The following FOXN3 variants were observed in gnomAD, a reference collection of about 807,000 sequenced individuals.
FOXN3 encodes forkhead box N3, also known as forkhead box protein N3.
Under a neutral mutation model 38.4 loss-of-function variants are expected in FOXN3, and 7 were observed. That is an observed-to-expected ratio of 0.18 (90% CI 0.10 to 0.34). FOXN3 has a LOEUF of 0.34. Among genes scored for constraint, FOXN3 ranks in the 10% least tolerant of loss-of-function variants. FOXN3 has a pLI of 1.00. For synonymous variants in FOXN3, 230 were observed against 242.2 expected (o/e 0.95, Z 0.47); for missense variants, 456 against 613.4 (o/e 0.74, Z 2.71).
At chr14:89,283,711 T>G (rs2139921876) in intron 3 of FOXN3, among the ~76,000 whole-genome samples, 1 of 152,240 alleles carries the variant, frequency 6.6e-6, no homozygotes, top group East Asian at 1.9e-4. Flanking sequence ...GGGGGCCCCT[T>G]GTTAACCCTG....
intron 1 of FOXN3, among the ~76,000 whole-genome samples, chr14:89,540,333 A>T (rs1219195856): frequency 6.6e-6 from 1 of 152,236 alleles, no homozygotes; most frequent in Non-Finnish European, 1.5e-5. Flanking sequence ...TCTAAAAGGC[A>T]TGCTTAACAT....
chr14:89,305,460 C>G (rs1342771749), intron 3 of FOXN3, among the ~76,000 whole-genome samples: 2 of 152,190 alleles, frequency 1.3e-5, no homozygotes, highest in Non-Finnish European at 2.9e-5. Flanking sequence ...TTGAGCAGCA[C>G]ACTGAGGTTA....
chr14:89,411,874 G>T, intron 2 of FOXN3, 60 bp downstream of exon 2: 4 of 1,156,270 alleles, frequency 3.5e-6, no homozygotes, highest in Non-Finnish European at 4.6e-6. Flanking sequence ...TTTTAATAGA[G>T]AAAAATTTTA....
rs145617983 is a variant in FOXN3 at position 89,330,864 on chromosome 14, A to G, written c.680+19808T>C. On this transcript the variant is annotated intron_variant, in intron 3 of 5. Transcript: ENST00000557258. ...GCCACAGTCGGTTCCATGGATTCCT[A>G]AGGCCAGGGAGCCTGTCCTGTTTGC... Among the ~76,000 whole-genome samples, 825 of 152,304 alleles carry G rather than the reference A, an allele frequency of 5.4e-3. 3 individuals carry two copies. Among genetic ancestry groups the G allele is most frequent in the African/African-American group, 0.019 (780 of 41,554 alleles).
At chr14:89,332,173 G>A (rs1291085031) in intron 3 of FOXN3, among the ~76,000 whole-genome samples, 1 of 152,176 alleles carries the variant, frequency 6.6e-6, no homozygotes, top group Non-Finnish European at 1.5e-5. Flanking sequence ...CTATGATTAA[G>A]ACACTAATTC....
Position 89,424,471 on chromosome 14 carries a change from A to G in FOXN3, c.-14-11981T>C, listed in dbSNP as rs148038597. Among the ~76,000 whole-genome samples the G allele has an allele frequency of 4.2e-3, 640 of 152,248 alleles. 3 individuals are homozygous for G. The highest frequency in any genetic ancestry group is 0.013 in the African/African-American group (559 of 41,544). ...CATTATATCCTGTGTTATGAGGTCT[A>G]TTGTCTGGCCGTGGGAAGTCTTTTG... On this transcript the variant is annotated intron_variant, in intron 1 of 6. Transcript: ENST00000345097.
chr14:89,363,982 A>AT (rs1890039019), intron 2 of FOXN3, among the ~76,000 whole-genome samples: 9 of 92,484 alleles, frequency 9.7e-5, no homozygotes, highest in African/African-American at 4.1e-4. Context: ...ATATATATAT[A>AT]TATATAATAT....
chr14:89,368,918 T>G (rs1361279364), intron 2 of FOXN3, among the ~76,000 whole-genome samples: 1 of 152,094 alleles, frequency 6.6e-6, no homozygotes, highest in African/African-American at 2.4e-5. Context: ...GGTTAAGAGT[T>G]ACTTGATTAG....
rs1236256972 is a variant in FOXN3, at chr14:89,290,481, T to C, written c.681-9467A>G. ...ACTGTCAAAGACCAGACCAAACTTCTTACAGTTTTCCACTGGAATGGAGTT... is the reference window on the plus strand; with the variant it reads ...ACTGTCAAAGACCAGACCAAACTTCCTACAGTTTTCCACTGGAATGGAGTT... On this transcript the variant is annotated intron_variant, in intron 3 of 5. Transcript: ENST00000557258. 3 of 458,434 alleles carry C rather than the reference T, an allele frequency of 6.5e-6. No homozygotes were observed. The Admixed American group carries it at 8.1e-5, about 12-fold the overall frequency. 28.4% of individuals were successfully genotyped at this position (458,434 alleles called of 1,614,324 possible).
At chr14:89,303,808 G>C (rs907059790) in intron 3 of FOXN3, among the ~76,000 whole-genome samples, 2 of 152,216 alleles carry the variant, frequency 1.3e-5, no homozygotes, top group African/African-American at 4.8e-5. Context: ...AACAGACATT[G>C]AGGACAGTCC....
chr14:89,221,467 G>C (rs902750215), intron 4 of FOXN3, among the ~76,000 whole-genome samples: 1 of 152,036 alleles, frequency 6.6e-6, no homozygotes, highest in Non-Finnish European at 1.5e-5. Flanking sequence ...CTTTACCTTT[G>C]GTTACAGTCA....
At position 89,370,182 on chromosome 14, in the gene FOXN3, T is replaced by A. The variant is rs1294900149; in HGVS notation, c.544-19374A>T. 2.0e-5 allele frequency among the ~76,000 whole-genome samples: 3 copies of A among 152,344 alleles called. No individual in the cohort carries two copies. The South Asian group carries it at 6.2e-4, about 32-fold the overall frequency. Reference sequence around the variant, plus strand: ...TGTGCTGCTGGCATGTGACCACATATGCAGAAAAAAAATCATCTGTTTGTA... The same window carrying A: ...TGTGCTGCTGGCATGTGACCACATAAGCAGAAAAAAAATCATCTGTTTGTA... On this transcript the variant is annotated intron_variant, in intron 2 of 5. Coordinates refer to ENST00000557258, the MANE Select transcript of FOXN3 (RefSeq NM_005197.4).
intron 1 of FOXN3, among the ~76,000 whole-genome samples, chr14:89,436,681 C>A (rs974879075): frequency 6.6e-6 from 1 of 152,184 alleles, no homozygotes; most frequent in Non-Finnish European, 1.5e-5. Context: ...CCAACAGATA[C>A]CCATGGAGAG....
chr14:89,465,226 T>C (rs926198438), intron 1 of FOXN3, among the ~76,000 whole-genome samples: 10 of 118,432 alleles, frequency 8.4e-5, no homozygotes, highest in African/African-American at 3.5e-4. Context: ...TGTCTTTGTT[T>C]TTTTTTGTTT....
At chr14:89,241,423 C>T (rs984282209) in intron 4 of FOXN3, among the ~76,000 whole-genome samples, 12 of 152,154 alleles carry the variant, frequency 7.9e-5, no homozygotes, top group South Asian at 4.1e-4. Context: ...CCCAAAGCCA[C>T]CATGGTGGCT....
intron 4 of FOXN3, among the ~76,000 whole-genome samples, chr14:89,243,871 G>A (rs547476862): frequency 1.1e-4 from 16 of 152,282 alleles, no homozygotes; most frequent in East Asian, 1.9e-4. Context: ...CATCGCGCCC[G>A]CCAATGAAAC....
At chr14:89,252,515 G>A (rs953504419) in intron 4 of FOXN3, among the ~76,000 whole-genome samples, 12 of 152,028 alleles carry the variant, frequency 7.9e-5, no homozygotes, top group Non-Finnish European at 1.6e-4. Context: ...TTAGCTGGGC[G>A]TGGTGGTGCA....
At chr14:89,487,668 C>G (rs530728248) in intron 1 of FOXN3, among the ~76,000 whole-genome samples, 14 of 152,276 alleles carry the variant, frequency 9.2e-5, no homozygotes, top group South Asian at 2.1e-4. Flanking sequence ...GGGATCGCAT[C>G]ATGGAGGGAT....
At chr14:89,580,841 C>T (rs1352217134) in intron 1 of FOXN3, among the ~76,000 whole-genome samples, 1 of 152,176 alleles carries the variant, frequency 6.6e-6, no homozygotes, top group Non-Finnish European at 1.5e-5. Context: ...ACCTATTCCC[C>T]TTCTGGGGTC....
Sources: gnomAD v4.1 joint callset for allele counts (sites outside exome capture counted in the v4.1 genomes callset) on GRCh38, gnomAD v4.1.1 for gene constraint, MANE v1.5 for transcripts, NCBI Gene and HGNC (gene_info 2026-07-23, HGNC 2026-07-21) for gene names.